Variants in ITGB6 observed in about 807,000 individuals in gnomAD.
The protein encoded by ITGB6 is integrin subunit beta 6, also known as integrin beta-6.
In ITGB6, 80 loss-of-function variants were observed where a neutral mutation model predicts 84.5. That is an observed-to-expected ratio of 0.95 (90% CI 0.79 to 1.14). The LOEUF (loss-of-function observed/expected upper bound fraction) is 1.14, where lower values mean the gene tolerates loss of function less well. Ranked by LOEUF, ITGB6 falls within the 50% of genes most tolerant of loss-of-function variation. The pLI, the probability that ITGB6 is intolerant of heterozygous loss-of-function variation, is 0.00. For missense variants in ITGB6, 1,006 were observed against 968.0 expected, an observed-to-expected ratio of 1.04 and a Z score of -0.52; for synonymous variants, 383 against 354.9, an observed-to-expected ratio of 1.08 and a Z score of -0.89.
chr2:160,172,629 A>G lies in ITGB6; in HGVS notation c.861T>C (p.Ile287=). 6.2e-7 allele frequency: 1 copy of G among 1,612,212 alleles called. No individual in the cohort carries two copies. Among genetic ancestry groups the G allele is most frequent in the Non-Finnish European group, 8.5e-7 (1 of 1,178,426 alleles). Residue 287 remains isoleucine, a synonymous_variant, in exon 6 of 15, where the codon ATT becomes ATC. Transcript: ENST00000283249. ...GMDSKLAGIV[I]PNDGLCHLDS... ...CCAAGTGACAGAGCCCGTCATTAGG[A>G]ATGACGATGCCTGCTAGTTTGCTGT...
chr2:160,107,655 G>T (rs747030285), intron 14 of ITGB6, 24 bp downstream of exon 14: 4 of 1,611,132 alleles, frequency 2.5e-6, no homozygotes, highest in Non-Finnish European at 3.4e-6. Context: ...CCTAGACAAG[G>T]AGTAGCCCTA....
At chr2:160,159,967 T>A (rs1684759296) in intron 7 of ITGB6, among the ~76,000 whole-genome samples, 1 of 152,226 alleles carries the variant, frequency 6.6e-6, no homozygotes, top group Non-Finnish European at 1.5e-5. Flanking sequence ...TTCTCCTCTA[T>A]ACTCCTAGGG....
At chr2:160,116,740 C>A (rs1339278832) in intron 12 of ITGB6, among the ~76,000 whole-genome samples, 1 of 152,118 alleles carries the variant, frequency 6.6e-6, no homozygotes, top group Non-Finnish European at 1.5e-5. Context: ...AGACTCAAGA[C>A]CCATCAGTGT....
chr2:160,186,182 G>A (rs1318043198), intron 4 of ITGB6, among the ~76,000 whole-genome samples: 2 of 151,014 alleles, frequency 1.3e-5, no homozygotes, highest in Non-Finnish European at 2.9e-5. Flanking sequence ...GAGTGAACAG[G>A]CAACCTACAG....
At chr2:160,192,077 T>C (rs1686163793) in intron 4 of ITGB6, among the ~76,000 whole-genome samples, 1 of 152,178 alleles carries the variant, frequency 6.6e-6, no homozygotes, top group South Asian at 2.1e-4. Flanking sequence ...ATGGTTTCAA[T>C]GTTGTCTCAA....
intron 10 of ITGB6, among the ~76,000 whole-genome samples, chr2:160,130,259 C>T (rs79022497): frequency 7.8e-4 from 119 of 152,042 alleles, no homozygotes; most frequent in African/African-American, 2.8e-3. Context: ...TGTATATGTA[C>T]TGTGTTGTTG....
At chr2:160,166,368 T>C (rs1381890552) in intron 7 of ITGB6, among the ~76,000 whole-genome samples, 2 of 152,198 alleles carry the variant, frequency 1.3e-5, no homozygotes, top group Non-Finnish European at 2.9e-5. Context: ...TCAAGCCAGA[T>C]GTAGATATTT....
intron 7 of ITGB6, among the ~76,000 whole-genome samples, chr2:160,168,554 C>T (rs766763337): frequency 6.6e-6 from 1 of 152,086 alleles, no homozygotes; most frequent in Non-Finnish European, 1.5e-5. Context: ...GGAAAAAAAA[C>T]CACAGAAATC....
intron 7 of ITGB6, among the ~76,000 whole-genome samples, chr2:160,150,057 C>G (rs1262273905): frequency 2.6e-5 from 4 of 152,152 alleles, no homozygotes; most frequent in Non-Finnish European, 5.9e-5. Flanking sequence ...AGGAGAACTT[C>G]CCCAACATAG....
chr2:160,179,390 C>CTTTTT (rs71297445), intron 4 of ITGB6, among the ~76,000 whole-genome samples: 1 of 131,178 alleles, frequency 7.6e-6, no homozygotes, highest in Non-Finnish European at 1.6e-5. Flanking sequence ...TTTTCTTTTT[C>CTTTTT]TTTTTTTTTT....
At chr2:160,113,820 T>C (rs1682636933) in intron 12 of ITGB6, among the ~76,000 whole-genome samples, 1 of 152,236 alleles carries the variant, frequency 6.6e-6, no homozygotes, top group Admixed American at 6.5e-5. Context: ...AATTCATACG[T>C]TGGCCATTTT....
Position 160,196,226 on chromosome 2 carries a change from C to A in ITGB6, c.336G>T (p.Lys112Asn). 6.2e-7 allele frequency: 1 copy of A among 1,613,876 alleles called. No individual in the cohort carries two copies. Among genetic ancestry groups the A allele is most frequent in the Non-Finnish European group, 8.5e-7 (1 of 1,179,838 alleles). The change falls in exon 3 of 15, where the codon AAG becomes AAT. Residue 112 changes from lysine (K) to asparagine (N), a missense_variant. Lys to Asn is a moderately conservative substitution (Grantham distance 94). Transcript: ENST00000283249. ...CAAATCCTAACATACCTGGTCTCAA[C>A]TTAAGGATCAAGCTTTGAGGCGCAA... ...VQIAPQSLILKLRPGGAQTLQ... is the reference protein window; with the variant it reads ...VQIAPQSLILNLRPGGAQTLQ...
chr2:160,182,583 A>T (rs1461200307), intron 4 of ITGB6, among the ~76,000 whole-genome samples: 1 of 152,240 alleles, frequency 6.6e-6, no homozygotes, highest in Non-Finnish European at 1.5e-5. Flanking sequence ...GATATTATCC[A>T]GGAGAACTTC....
intron 4 of ITGB6, among the ~76,000 whole-genome samples, chr2:160,183,986 A>G (rs1326118617): frequency 6.6e-6 from 1 of 152,248 alleles, no homozygotes. Context: ...AGCAGTGTTT[A>G]GAGAGAAATT....
chr2:160,149,689 A>G (rs1020908324), intron 7 of ITGB6, among the ~76,000 whole-genome samples: 3 of 152,172 alleles, frequency 2.0e-5, no homozygotes, highest in African/African-American at 7.2e-5. Context: ...AACCCCTTGC[A>G]AGGAAGCTAA....
At chr2:160,198,817 G>A (rs1435546041) in intron 2 of ITGB6, among the ~76,000 whole-genome samples, 1 of 152,150 alleles carries the variant, frequency 6.6e-6, no homozygotes, top group Non-Finnish European at 1.5e-5. Flanking sequence ...AACATCAAAT[G>A]TATGTTTAAC....
intron 4 of ITGB6, among the ~76,000 whole-genome samples, chr2:160,183,439 A>C (rs1042087907): frequency 3.3e-5 from 5 of 152,206 alleles, no homozygotes; most frequent in African/African-American, 1.2e-4. Flanking sequence ...AGAAAAGCTA[A>C]CTATCCTAAA....
intron 11 of ITGB6, 30 bp from the exon 12 acceptor site, chr2:160,123,918 T>C (rs753316705): frequency 2.6e-6 from 4 of 1,514,108 alleles, no homozygotes; most frequent in East Asian, 2.3e-5. Flanking sequence ...GTGTATCAGT[T>C]CATGCTGGTG....
At chr2:160,101,967 G>T (rs527310759) in intron 14 of ITGB6, 133 bp from the exon 15 acceptor site, 7 of 607,774 alleles carry the variant, frequency 1.2e-5, no homozygotes, top group Non-Finnish European at 1.2e-5. Flanking sequence ...GATTAATTTG[G>T]CATTTCATAT....
Sources: gnomAD v4.1 joint callset for allele counts (sites outside exome capture counted in the v4.1 genomes callset) on GRCh38, gnomAD v4.1.1 for gene constraint, MANE v1.5 for transcripts, NCBI Gene and HGNC (gene_info 2026-07-23, HGNC 2026-07-21) for gene names.